The following CCDC57 variants were observed in gnomAD, a reference collection of about 807,000 sequenced individuals.
The protein encoded by CCDC57 is coiled-coil domain containing 57.
In CCDC57, 118 loss-of-function variants were observed where a neutral mutation model predicts 118.9. The observed-to-expected ratio is 0.99, with a 90% confidence interval of 0.86 to 1.16. CCDC57 has a LOEUF of 1.16. CCDC57 is among the 50% of genes most tolerant of loss of function. The pLI is 0.00. For synonymous variants in CCDC57, 527 were observed against 532.9 expected (o/e 0.99, Z 0.15); for missense variants, 1,300 against 1,320.7 (o/e 0.98, Z 0.24).
At chr17:82,136,793 G>A (rs1285876454) in intron 16 of CCDC57, among the ~76,000 whole-genome samples, 1 of 151,994 alleles carries the variant, frequency 6.6e-6, no homozygotes, top group Non-Finnish European at 1.5e-5. Context: ...ATTCTGCCCA[G>A]GTTAGTCTCA....
chr17:82,178,527 C>G, exon 11 of CCDC57: 1 of 1,613,858 alleles, frequency 6.2e-7, no homozygotes, highest in South Asian at 1.1e-5. Flanking sequence ...ACGGCCTGGT[C>G]TCGTTCCAGG....
At chr17:82,163,881 A>C (rs373752818) in intron 13 of CCDC57, among the ~76,000 whole-genome samples, 4 of 152,332 alleles carry the variant, frequency 2.6e-5, no homozygotes, top group African/African-American at 9.6e-5. Flanking sequence ...ATTCATCTCA[A>C]GAAATTAGAG....
Position 82,183,940 on chromosome 17 carries a change from T to C in CCDC57, c.1053-8A>G, listed in dbSNP as rs981700958. The C allele has an allele frequency of 6.2e-7, 1 of 1,610,220 alleles. No homozygotes were observed. Among genetic ancestry groups the C allele is most frequent in the Non-Finnish European group, 8.5e-7 (1 of 1,177,756 alleles). The stretch of plus-strand genomic sequence containing the variant: ...GATGCATCTTCACGAAGTCTAAACA[T>C]AGAAGGGAAACTATGTAGATGTGGT... On this transcript the variant is annotated splice_region_variant and splice_polypyrimidine_tract_variant and intron_variant, in intron 8 of 19. Coordinates refer to ENST00000665763, the Ensembl canonical transcript of CCDC57.
At chr17:82,105,423 C>T (rs878938249) in intron 19 of CCDC57, among the ~76,000 whole-genome samples, 29 of 152,298 alleles carry the variant, frequency 1.9e-4, no homozygotes, top group South Asian at 4.1e-4. Context: ...ACTGTCAGCA[C>T]GGCACCCAGG....
chr17:82,151,793 C>A lies in CCDC57; in HGVS notation c.2242-20G>T. On this transcript the variant is annotated intron_variant, in intron 15 of 19. Coordinates refer to ENST00000665763, the Ensembl canonical transcript of CCDC57. ...GAGGCCCTGTAACAAAACTCACAGG[C>A]AGACACCCCTGTGAGGCTGCCCTCA... 1 of 1,545,280 alleles carries A rather than the reference C, an allele frequency of 6.5e-7. No individual in the cohort carries two copies. The highest frequency in any genetic ancestry group is 8.7e-7 in the Non-Finnish European group (1 of 1,144,368).
intron 7 of CCDC57, among the ~76,000 whole-genome samples, 191 bp downstream of exon 6, chr17:82,193,565 A>C (rs1248790442): frequency 6.6e-6 from 1 of 151,572 alleles, no homozygotes; most frequent in African/African-American, 2.4e-5. Flanking sequence ...GCAAGCAAGA[A>C]AGCAAGAAAG....
chr17:82,181,978 C>G (rs1369214022), intron 9 of CCDC57, among the ~76,000 whole-genome samples: 1 of 151,902 alleles, frequency 6.6e-6, no homozygotes, highest in Non-Finnish European at 1.5e-5. Flanking sequence ...ATTAGCCAGG[C>G]GTGGTGGCGC....
At chr17:82,165,878 G>A (rs1422809984) in intron 13 of CCDC57, among the ~76,000 whole-genome samples, 1 of 152,178 alleles carries the variant, frequency 6.6e-6, no homozygotes, top group African/African-American at 2.4e-5. Context: ...GCCCACCAGA[G>A]CGGGCCAGGA....
intron 9 of CCDC57, 114 bp from the exon 9 acceptor site, chr17:82,179,303 G>T (rs2045914734): frequency 8.7e-7 from 1 of 1,153,504 alleles, no homozygotes; most frequent in Non-Finnish European, 1.2e-6. Flanking sequence ...CTCTCGCATG[G>T]CCTGCGCTGG....
chr17:82,201,887 C>G (rs774509631), exon 3 of CCDC57: 1 of 1,610,410 alleles, frequency 6.2e-7, no homozygotes, highest in Non-Finnish European at 8.5e-7. Flanking sequence ...GCCCTCCACT[C>G]CTCCTCCTTG....
At chr17:82,149,886 C>T (rs555576818) in intron 16 of CCDC57, among the ~76,000 whole-genome samples, 4 of 150,590 alleles carry the variant, frequency 2.7e-5, no homozygotes, top group East Asian at 2.0e-4. Context: ...GAACCTGGCG[C>T]ACACCCAGAA....
rs997383526 is a variant in CCDC57 at position 82,172,491 on chromosome 17, A to C, written c.1729+147T>G. 17 of 674,656 alleles carry C rather than the reference A, an allele frequency of 2.5e-5. No homozygotes were observed. The highest frequency in any genetic ancestry group is 1.4e-4 in the Admixed American group (5 of 36,218). 41.8% of individuals were successfully genotyped at this position (674,656 alleles called of 1,614,324 possible). A position where few individuals can be genotyped will look rare whatever the true frequency, so the allele number is the denominator to read the frequency against. On this transcript the variant is annotated intron_variant, in intron 12 of 19. Coordinates refer to ENST00000665763, the Ensembl canonical transcript of CCDC57. This position sits in a 1 kb window ranked among gnomAD's most constrained non-coding sequence, Gnocchi z 5.2. The stretch of plus-strand genomic sequence containing the variant: ...CTCTTGGAGAAAAAGCAGTTTTCAT[A>C]CTTTGAGTTTATTACAGGGGATGTT...
chr17:82,107,502 A>G (rs1598612148), intron 19 of CCDC57: 1 of 470,448 alleles, frequency 2.1e-6, no homozygotes, highest in Non-Finnish European at 4.4e-6. Flanking sequence ...GCCAAAGCGG[A>G]CCCCCGCCAG....
At chr17:82,116,930 A>G (rs1339390298) in intron 19 of CCDC57, among the ~76,000 whole-genome samples, 1 of 152,244 alleles carries the variant, frequency 6.6e-6, no homozygotes, top group African/African-American at 2.4e-5. Context: ...TTCAGAAGTC[A>G]CAACAAACGC....
At chr17:82,176,677 G>A (rs1310721053) in intron 11 of CCDC57, among the ~76,000 whole-genome samples, 4 of 152,188 alleles carry the variant, frequency 2.6e-5, no homozygotes, top group Non-Finnish European at 4.4e-5. Flanking sequence ...GCTGGACTTC[G>A]TAGCCCCCAT....
chr17:82,106,356 C>G (rs1372529608), intron 19 of CCDC57: 1 of 152,396 alleles, frequency 6.6e-6, no homozygotes, highest in Non-Finnish European at 1.5e-5. Flanking sequence ...CCTGGGCCGG[C>G]TCCCGACCAG....
chr17:82,209,924 A>C (rs2050052070), intron 1 of CCDC57, among the ~76,000 whole-genome samples: 3 of 152,174 alleles, frequency 2.0e-5, no homozygotes, highest in Admixed American at 2.0e-4. Flanking sequence ...TCTATCTGGT[A>C]CTGGGATCTT....
At chr17:82,183,720 C>T (rs187746448) in intron 9 of CCDC57, 54 bp downstream of exon 8, 5 of 1,509,784 alleles carry the variant, frequency 3.3e-6, no homozygotes, top group East Asian at 2.5e-5. Flanking sequence ...GTACCTACAA[C>T]AGCACCTGCC....
At chr17:82,119,772 C>T (rs373724364) in intron 19 of CCDC57, among the ~76,000 whole-genome samples, 3 of 151,924 alleles carry the variant, frequency 2.0e-5, no homozygotes, top group East Asian at 3.9e-4. Flanking sequence ...TGAGGCTGGA[C>T]GTGCTGGGCC....
Sources: gnomAD v4.1 joint callset for allele counts (sites outside exome capture counted in the v4.1 genomes callset) on GRCh38, gnomAD v4.1.1 for gene constraint, Gnocchi (gnomAD v3.1) non-coding constraint, MANE v1.5 for transcripts, NCBI Gene and HGNC (gene_info 2026-07-23, HGNC 2026-07-21) for gene names.